The following NUP205 variants were observed in gnomAD, a reference collection of about 807,000 sequenced individuals.
The protein encoded by NUP205 is nucleoporin 205, also known as nuclear pore complex protein Nup205.
A neutral mutation model predicts 253.8 loss-of-function variants in NUP205; 76 were observed. That is an observed-to-expected ratio of 0.30 (90% CI 0.25 to 0.36). The LOEUF (loss-of-function observed/expected upper bound fraction) is 0.36. NUP205 is among the 10% of genes least tolerant of loss of function. The pLI, the probability that NUP205 is intolerant of heterozygous loss-of-function variation, is 1.00. For synonymous variants in NUP205, 832 were observed against 850.1 expected (o/e 0.98, Z 0.37); for missense variants, 2,162 against 2,425.5 (o/e 0.89, Z 2.28).
At chr7:135,617,780 A>ACAT in intron 27 of NUP205, 98 bp downstream of exon 27, 1 of 619,360 alleles carries the variant, frequency 1.6e-6, no homozygotes, top group Non-Finnish European at 2.8e-6. Flanking sequence ...TTTGCTAATT[A>ACAT]GTAAGCTGCC....
chr7:135,565,722 C>T (rs530195900), intron 1 of NUP205, among the ~76,000 whole-genome samples: 1 of 152,266 alleles, frequency 6.6e-6, no homozygotes, highest in South Asian at 2.1e-4. Flanking sequence ...GGCTTACTTA[C>T]CTCTTATCCT....
At position 135,576,397 on chromosome 7, in the gene NUP205, A is replaced by G. The variant is rs143165300; in HGVS notation, c.471A>G (p.Thr157=). The change falls in exon 4 of 43, where the codon ACA becomes ACG. Residue 157 remains threonine (T), a synonymous_variant. Transcript: ENST00000285968. ...TGATACAGTCTAGACGGGGAAAGAC[A>G]TGGACCCTAGAACTCAGGTCTTTTT... ...KALIQSRRGK[T]WTLELSPELA... 6.4e-5 allele frequency: 104 copies of G among 1,613,162 alleles called. No homozygotes were observed. The East Asian group carries it at 2.2e-3, about 35-fold the overall frequency.
At chr7:135,583,827 GCTTTCTTT>G (rs201134403) in intron 7 of NUP205, among the ~76,000 whole-genome samples, 2 of 150,534 alleles carry the variant, frequency 1.3e-5, no homozygotes, top group African/African-American at 2.4e-5. Flanking sequence ...TTTTACTTTT[GCTTTCTTT>G]CTTTCTTTCT....
intron 36 of NUP205, 29 bp downstream of exon 36, chr7:135,635,686 A>C (rs779973877): frequency 7.5e-7 from 1 of 1,327,564 alleles, no homozygotes; most frequent in Admixed American, 1.7e-5. Flanking sequence ...TTTAAATAGC[A>C]GTTATAAGAC....
At chr7:135,566,438 G>A (rs1457984941) in intron 1 of NUP205, among the ~76,000 whole-genome samples, 1 of 152,160 alleles carries the variant, frequency 6.6e-6, no homozygotes, top group Non-Finnish European at 1.5e-5. Flanking sequence ...AGGTACTCAT[G>A]TTGCCTTGTC....
chr7:135,614,303 A>G (rs1326763345), intron 23 of NUP205, 30 bp downstream of exon 23: 1 of 1,116,630 alleles, frequency 9.0e-7, no homozygotes, highest in South Asian at 1.2e-5. Flanking sequence ...TATTTATAAG[A>G]ACACATTTAT....
intron 8 of NUP205, among the ~76,000 whole-genome samples, chr7:135,585,676 C>G (rs952842866): frequency 6.6e-6 from 1 of 151,944 alleles, no homozygotes; most frequent in Non-Finnish European, 1.5e-5. Context: ...CACAGTCTCC[C>G]AAGTAGCTGG....
At chr7:135,623,255 C>G (rs1794514949) in intron 31 of NUP205, among the ~76,000 whole-genome samples, 1 of 152,132 alleles carries the variant, frequency 6.6e-6, no homozygotes, top group South Asian at 2.1e-4. Context: ...TTCACTCCAG[C>G]CTGGGCTGCA....
rs781587082 is a variant in NUP205, at chr7:135,593,131, C to T, written c.1769C>T (p.Thr590Ile). The T allele has an allele frequency of 3.1e-6, 5 of 1,614,104 alleles. No homozygotes were observed. The South Asian group carries it at 3.3e-5, about 11-fold the overall frequency. Residue 590 changes from threonine to isoleucine, a missense_variant, in exon 12 of 43, where the codon ACC becomes ATC. Thr to Ile is a moderately conservative substitution (Grantham distance 89). Around this residue, in one of 5 missense-constraint regions of NUP205, gnomAD observed 892 missense variants for 957.1 expected, o/e 0.93. Transcript: ENST00000285968. ...QYRHLPSRGI[T>I]QKEQDGLIAF... The stretch of plus-strand genomic sequence containing the variant: ...CGTCACCTTCCTTCCCGTGGCATCA[C>T]CCAGAAGGAGCAAGATGGATTGATT...
At chr7:135,572,714 A>G (rs1806032287) in intron 2 of NUP205, among the ~76,000 whole-genome samples, 1 of 151,976 alleles carries the variant, frequency 6.6e-6, no homozygotes, top group African/African-American at 2.4e-5. Flanking sequence ...GCCTGCCACC[A>G]TGTCCAGCTA....
At chr7:135,618,210 C>G (rs1794399083) in intron 27 of NUP205, among the ~76,000 whole-genome samples, 1 of 152,128 alleles carries the variant, frequency 6.6e-6, no homozygotes, top group African/African-American at 2.4e-5. Context: ...ACTTCTGTCC[C>G]CTACCTTTCA....
chr7:135,572,077 T>C (rs1275083335), intron 2 of NUP205, among the ~76,000 whole-genome samples: 9 of 152,132 alleles, frequency 5.9e-5, no homozygotes, highest in Non-Finnish European at 1.2e-4. Flanking sequence ...CAGGCTGGTC[T>C]TGAACTCCTG....
intron 2 of NUP205, 32 bp downstream of exon 2, chr7:135,571,279 A>ATTTT: frequency 1.4e-5 from 15 of 1,071,272 alleles, no homozygotes; most frequent in South Asian, 2.7e-5. Flanking sequence ...TTTTTTTGGG[A>ATTTT]TTTTTTTTTT....
intron 1 of NUP205, among the ~76,000 whole-genome samples, chr7:135,562,514 G>A (rs1171564724): frequency 6.8e-6 from 1 of 147,464 alleles, no homozygotes; most frequent in African/African-American, 2.5e-5. Flanking sequence ...ATCTTCATTT[G>A]GCTTGATCTT....
rs913243671 is a variant in NUP205, at chr7:135,569,602, T to C, written c.29-1503T>C. ...ACCTCTCTGCCTCAGTTTCCATATT[T>C]ATAAAATGGAGGAAGCCATAGTGCT... On this transcript the variant is annotated intron_variant, in intron 1 of 42. Transcript: ENST00000285968. Among the ~76,000 whole-genome samples, 5 of 151,778 alleles carry C rather than the reference T, an allele frequency of 3.3e-5. No homozygotes were observed. The East Asian group carries it at 9.7e-4, about 29-fold the overall frequency.
At chr7:135,618,972 T>C (rs1794417618) in intron 28 of NUP205, among the ~76,000 whole-genome samples, 1 of 152,196 alleles carries the variant, frequency 6.6e-6, no homozygotes, top group Admixed American at 6.5e-5. Flanking sequence ...AATTTCTCTG[T>C]ATATATTAGA....
Position 135,594,636 on chromosome 7 carries a change from T to C in NUP205, c.1920T>C (p.Pro640=), listed in dbSNP as rs770866422. 4.3e-6 allele frequency: 7 copies of C among 1,613,948 alleles called. No homozygotes were observed. In the East Asian group the frequency reaches 1.6e-4, roughly 36 times the overall value. The change falls in exon 13 of 43, where the codon CCT becomes CCC. Residue 640 remains proline (P), a synonymous_variant. Coordinates refer to ENST00000285968, the MANE Select transcript of NUP205 (RefSeq NM_015135.3). ...ILGLLQCSIP[P]VLKAELLKTL... ...GACTCCTCCAATGCAGTATTCCCCC[T>C]GTCCTAAAAGCTGAGCTACTGAAGA...
intron 1 of NUP205, among the ~76,000 whole-genome samples, chr7:135,560,931 C>T (rs894999219): frequency 3.1e-4 from 47 of 152,310 alleles, no homozygotes; most frequent in African/African-American, 1.1e-3. Flanking sequence ...CACTGCTGAA[C>T]TGTACACTTA....
At chr7:135,563,274 G>A (rs993668329) in intron 1 of NUP205, among the ~76,000 whole-genome samples, 1 of 152,026 alleles carries the variant, frequency 6.6e-6, no homozygotes, top group South Asian at 2.1e-4. Context: ...TGCAGCCTCC[G>A]CCTCCTGGGT....
Sources: allele counts gnomAD v4.1 joint callset (sites outside exome capture counted in the v4.1 genomes callset), GRCh38; gene constraint gnomAD v4.1.1; regional missense constraint gnomAD v4.1.1; transcripts MANE v1.5; gene names NCBI Gene and HGNC (gene_info 2026-07-23, HGNC 2026-07-21).